Variants in CD8B2 observed in about 807,000 individuals in gnomAD.
CD8B2 encodes the protein CD8B family member 2.
Under a neutral mutation model 23.7 loss-of-function variants are expected in CD8B2, and 11 were observed. The ratio of observed to expected loss-of-function variants is 0.46; its 90% confidence interval spans 0.29 to 0.77. CD8B2 has a LOEUF of 0.77. Among genes scored for constraint, CD8B2 ranks in the 30% least tolerant of loss-of-function variants. The pLI, the probability that CD8B2 is intolerant of heterozygous loss-of-function variation, is 0.09. For missense variants in CD8B2, 197 were observed against 270.5 expected (o/e 0.73, Z 1.91); for synonymous variants, 90 against 109.3 (o/e 0.82, Z 1.10).
intron 3 of CD8B2, among the ~76,000 whole-genome samples, chr2:106,502,264 C>T (rs1376281485): frequency 4.5e-5 from 6 of 133,576 alleles, no homozygotes; most frequent in African/African-American, 8.9e-5. Context: ...CACTGCACTC[C>T]GGCCTGGGTG....
intron 5 of CD8B2, among the ~76,000 whole-genome samples, chr2:106,541,143 G>A (rs150325604): frequency 5.3e-4 from 81 of 152,262 alleles, no homozygotes; most frequent in African/African-American, 1.9e-3. Flanking sequence ...AGGCCACGGT[G>A]GCACGCTGGC....
chr2:106,539,886 G>A (rs1019298055), intron 5 of CD8B2, among the ~76,000 whole-genome samples: 4 of 152,266 alleles, frequency 2.6e-5, no homozygotes, highest in East Asian at 3.9e-4. Flanking sequence ...CACTGTTCCC[G>A]TCACTGAATC....
intron 5 of CD8B2, among the ~76,000 whole-genome samples, chr2:106,505,858 C>G (rs542063806): frequency 6.6e-6 from 1 of 152,138 alleles, no homozygotes; most frequent in Non-Finnish European, 1.5e-5. Flanking sequence ...AGGCCGGGTG[C>G]GGTGGCTCAA....
chr2:106,510,693 C>T lies in CD8B2; in HGVS notation c.*3753C>T, dbSNP rs1384207650. 2.0e-5 allele frequency: 3 copies of T among 152,112 alleles called. No homozygotes were observed. The highest frequency in any genetic ancestry group is 7.2e-5 in the African/African-American group (3 of 41,426). 9.4% of individuals were successfully genotyped at this position (152,112 alleles called of 1,614,324 possible). A position where few individuals can be genotyped will look rare whatever the true frequency, so the allele number is the denominator to read the frequency against. ...ACTGCAGTGAGCTGTGATCACGCCA[C>T]TGCACTCCAGCCTGGGCAACACAGA... is the stretch of plus-strand genomic sequence containing the variant. On this transcript the variant is annotated 3_prime_UTR_variant, in exon 6 of 6. Coordinates refer to ENST00000643224, the MANE Select transcript of CD8B2 (RefSeq NM_001349727.2).
chr2:106,531,607 T>C (rs950721541), intron 5 of CD8B2, among the ~76,000 whole-genome samples: 3 of 151,992 alleles, frequency 2.0e-5, no homozygotes, highest in Admixed American at 6.5e-5. Context: ...CCTGGTTAGG[T>C]CATGGGGTGG....
At chr2:106,488,624 C>T (rs1679128510) in intron 1 of CD8B2, among the ~76,000 whole-genome samples, 1 of 152,236 alleles carries the variant, frequency 6.6e-6, no homozygotes. Flanking sequence ...CAGGTTTCTT[C>T]AATTCAGTGG....
At chr2:106,489,917 G>T (rs1679157687) in intron 1 of CD8B2, among the ~76,000 whole-genome samples, 1 of 152,120 alleles carries the variant, frequency 6.6e-6, no homozygotes. Context: ...TTCTGGGCCG[G>T]GTCTGTGAGT....
chr2:106,518,869 G>GCTCCGTC (rs377216362), intron 5 of CD8B2, among the ~76,000 whole-genome samples: 86 of 150,794 alleles, frequency 5.7e-4, no homozygotes, highest in Middle Eastern at 3.4e-3. Context: ...TCCACTCATT[G>GCTCCGTC]CTCCGTCCTC....
At chr2:106,500,434 G>A (rs557238222) in intron 3 of CD8B2, among the ~76,000 whole-genome samples, 12 of 150,234 alleles carry the variant, frequency 8.0e-5, no homozygotes, top group South Asian at 2.1e-4. Context: ...AAGGAGAATC[G>A]CTTGAACCCA....
At chr2:106,488,338 C>T (rs1160217577) in intron 1 of CD8B2, among the ~76,000 whole-genome samples, 2 of 151,162 alleles carry the variant, frequency 1.3e-5, no homozygotes, top group South Asian at 2.1e-4. Flanking sequence ...CCTGGGTTAC[C>T]GAGGGGAACA....
In CD8B2 at chr2:106,507,298, C is replaced by T. The variant is rs1290408096; in HGVS notation, c.*358C>T. The T allele has an allele frequency of 4.7e-6, 5 of 1,063,930 alleles. No individual in the cohort carries two copies. The highest frequency in any genetic ancestry group is 5.7e-6 in the Non-Finnish European group (5 of 880,496). The allele number at this position is 1,063,930 out of a possible 1,614,324, so 65.9% of individuals were successfully genotyped here. A position where few individuals can be genotyped will look rare whatever the true frequency, so the allele number is the denominator to read the frequency against. On this transcript the variant is annotated 3_prime_UTR_variant, in exon 6 of 6. Transcript: ENST00000643224. ...CACCATCTTTGCAAGTTGCTTTGCC[C>T]TGGTAGGGCAGTAACATTGGGTCCT... is the stretch of plus-strand genomic sequence containing the variant.
rs1297490722 is a variant in CD8B2, at chr2:106,533,382, G to T, written c.621-10610G>T. ...GGATTTAAAACTAAGTAAAGGGATTGATTCTGAATATTAAAAGCAGTTGAG... is the reference window on the plus strand; with the variant it reads ...GGATTTAAAACTAAGTAAAGGGATTTATTCTGAATATTAAAAGCAGTTGAG... On this transcript the variant is annotated intron_variant, in intron 5 of 5. Transcript: ENST00000416057. 2.6e-5 allele frequency among the ~76,000 whole-genome samples: 4 copies of T among 152,240 alleles called. No individual in the cohort carries two copies. The South Asian group carries it at 8.3e-4, about 31-fold the overall frequency.
At position 106,496,281 on chromosome 2, in the gene CD8B2, T is replaced by C. The variant is rs1421004714; in HGVS notation, c.493+19T>C. On this transcript the variant is annotated intron_variant, in intron 3 of 5. Transcript: ENST00000643224. ...CAGAAGGGTGAGTTCCCTATCCCTC[T>C]GCACCCTCAGAAACAAGGCAGACAT... 2.0e-6 allele frequency: 3 copies of C among 1,498,750 alleles called. No homozygotes were observed. The highest frequency in any genetic ancestry group is 1.4e-5 in the African/African-American group (1 of 70,522). The allele number at this position is 1,498,750 out of a possible 1,614,324, so 92.8% of individuals were successfully genotyped here.
intron 3 of CD8B2, among the ~76,000 whole-genome samples, chr2:106,498,982 C>T (rs1679349104): frequency 6.6e-6 from 1 of 151,954 alleles, no homozygotes; most frequent in Non-Finnish European, 1.5e-5. Context: ...GACCCTGAGG[C>T]CCCAGTAAGA....
Position 106,523,132 on chromosome 2 carries a change from T to A in CD8B2, c.620+18807T>A, listed in dbSNP as rs575438437. Among the ~76,000 whole-genome samples, 12 of 152,314 alleles carry A rather than the reference T, an allele frequency of 7.9e-5. No homozygotes were observed. In the South Asian group the frequency reaches 2.5e-3, roughly 32 times the overall value. ...CTCAAATATGGCAGTCTGCTGATCC[T>A]ACCAGGGAGAAAAATTCCCCGAACA... On this transcript the variant is annotated intron_variant, in intron 5 of 5. Transcript: ENST00000416057.
At chr2:106,514,639 T>C (rs910864339), downstream of CD8B2, among the ~76,000 whole-genome samples, 1 of 151,734 alleles carries the variant, frequency 6.6e-6, no homozygotes, top group Admixed American at 6.6e-5. Context: ...ACAGGGCTGT[T>C]CAATGGACAG....
At chr2:106,536,097 C>T (rs1275298027) in intron 5 of CD8B2, among the ~76,000 whole-genome samples, 1 of 148,424 alleles carries the variant, frequency 6.7e-6, no homozygotes, top group Non-Finnish European at 1.5e-5. Flanking sequence ...TGCAAGGGTG[C>T]AATCTCAGCT....
intron 2 of CD8B2, among the ~76,000 whole-genome samples, chr2:106,493,686 G>A (rs1166677086): frequency 1.3e-5 from 2 of 152,192 alleles, no homozygotes; most frequent in Non-Finnish European, 2.9e-5. Flanking sequence ...AGGGCCTTGG[G>A]TGCACCTAAA....
At chr2:106,525,656 A>G (rs755321188) in intron 5 of CD8B2, among the ~76,000 whole-genome samples, 1 of 152,108 alleles carries the variant, frequency 6.6e-6, no homozygotes, top group Non-Finnish European at 1.5e-5. Flanking sequence ...GTCCCTAGCA[A>G]CCACTAATTT....
Sources: allele counts gnomAD v4.1 joint callset (sites outside exome capture counted in the v4.1 genomes callset), GRCh38; gene constraint gnomAD v4.1.1; transcripts MANE v1.5; gene names NCBI Gene and HGNC (gene_info 2026-07-23, HGNC 2026-07-21).